Variants in NPAS3 observed in about 807,000 individuals in gnomAD.
NPAS3 encodes the protein neuronal PAS domain protein 3, also known as neuronal PAS domain-containing protein 3.
A neutral mutation model predicts 73.1 loss-of-function variants in NPAS3; 14 were observed. That is an observed-to-expected ratio of 0.19 (90% confidence interval 0.13 to 0.30). The LOEUF (loss-of-function observed/expected upper bound fraction) is 0.30. Ranked by LOEUF, NPAS3 falls within the 10% of genes least tolerant of loss-of-function variation. NPAS3 has a pLI of 1.00. For synonymous variants in NPAS3, 620 were observed against 541.5 expected (o/e 1.14, Z -2.01); for missense variants, 1,096 against 1,250.0 (o/e 0.88, Z 1.86).
intron 1 of NPAS3, among the ~76,000 whole-genome samples, chr14:32,961,494 C>A (rs983142305): frequency 3.3e-5 from 5 of 151,834 alleles, no homozygotes; most frequent in African/African-American, 4.8e-5. Context: ...TGTTTTCACA[C>A]TGAATCTCAG....
chr14:33,203,083 T>A (rs910935300), intron 2 of NPAS3, among the ~76,000 whole-genome samples: 2 of 152,266 alleles, frequency 1.3e-5, no homozygotes, highest in African/African-American at 4.8e-5. Flanking sequence ...CACAAAGACA[T>A]TGCAAGTTAA....
chr14:33,441,931 G>T (rs1215021467), intron 4 of NPAS3, among the ~76,000 whole-genome samples: 1 of 152,116 alleles, frequency 6.6e-6, no homozygotes, highest in African/African-American at 2.4e-5. Flanking sequence ...CCTCCCCCCA[G>T]GTTCCTCCCA....
intron 4 of NPAS3, among the ~76,000 whole-genome samples, chr14:33,380,846 A>C (rs557054611): frequency 1.3e-5 from 2 of 152,116 alleles, no homozygotes; most frequent in African/African-American, 4.8e-5. Context: ...CTAAAGATAT[A>C]AAAAATGCAG....
chr14:33,600,983 A>C (rs2057384264), intron 5 of NPAS3, among the ~76,000 whole-genome samples: 1 of 152,130 alleles, frequency 6.6e-6, no homozygotes, highest in African/African-American at 2.4e-5. Context: ...TTTTTTTTTC[A>C]AAAGGTTCTA....
At chr14:33,098,110 T>C (rs2042476084) in intron 2 of NPAS3, among the ~76,000 whole-genome samples, 1 of 152,214 alleles carries the variant, frequency 6.6e-6, no homozygotes, top group African/African-American at 2.4e-5. Context: ...TATTTTCTTT[T>C]AGAACCCTTT....
chr14:33,680,869 T>TTGTC (rs2059916284), intron 6 of NPAS3: 2 of 507,802 alleles, frequency 3.9e-6, no homozygotes, highest in African/African-American at 3.9e-5. Context: ...GTTATCATGT[T>TTGTC]TTGTCTAAAT....
At chr14:33,768,789 C>A (rs909839330) in intron 7 of NPAS3, among the ~76,000 whole-genome samples, 1 of 152,296 alleles carries the variant, frequency 6.6e-6, no homozygotes, top group East Asian at 1.9e-4. Flanking sequence ...CGCCCCCCAC[C>A]AATATTCCTT....
intron 4 of NPAS3, among the ~76,000 whole-genome samples, chr14:33,472,980 C>A (rs1262955407): frequency 6.9e-6 from 1 of 144,300 alleles, no homozygotes; most frequent in East Asian, 1.9e-4. Context: ...AGTAGTGGAT[C>A]TAAACGGAAA....
At chr14:33,466,258 G>A (rs1420917440) in intron 4 of NPAS3, among the ~76,000 whole-genome samples, 2 of 152,038 alleles carry the variant, frequency 1.3e-5, no homozygotes, top group African/African-American at 4.8e-5. Flanking sequence ...GCAAAACCAG[G>A]GTCATTCTGC....
intron 3 of NPAS3, among the ~76,000 whole-genome samples, chr14:33,334,482 G>A (rs2044124996): frequency 6.6e-6 from 1 of 152,110 alleles, no homozygotes; most frequent in Non-Finnish European, 1.5e-5. Context: ...CTTATAAGAT[G>A]TAGTCTTCTG....
At chr14:32,980,493 C>T (rs1002293495) in intron 1 of NPAS3, among the ~76,000 whole-genome samples, 1 of 151,976 alleles carries the variant, frequency 6.6e-6, no homozygotes, top group Admixed American at 6.6e-5. Flanking sequence ...TCATATTAAT[C>T]AAAATAACAA....
At chr14:33,117,225 T>C (rs1205063280) in intron 2 of NPAS3, among the ~76,000 whole-genome samples, 1 of 152,060 alleles carries the variant, frequency 6.6e-6, no homozygotes, top group Admixed American at 6.6e-5. Flanking sequence ...AAGCCTCTCT[T>C]TAGCATTATT....
chr14:33,134,653 G>A (rs2043768357), intron 2 of NPAS3, among the ~76,000 whole-genome samples: 1 of 152,116 alleles, frequency 6.6e-6, no homozygotes, highest in African/African-American at 2.4e-5. Flanking sequence ...TCATGTAAGA[G>A]TAGTCACCTC....
intron 1 of NPAS3, among the ~76,000 whole-genome samples, chr14:33,020,624 T>C (rs948854344): frequency 4.6e-5 from 7 of 152,312 alleles, no homozygotes; most frequent in Middle Eastern, 3.4e-3. Flanking sequence ...AGAATCTCAT[T>C]GCTTGGACAG....
At chr14:32,951,616 A>G (rs2036486792) in intron 1 of NPAS3, among the ~76,000 whole-genome samples, 1 of 152,168 alleles carries the variant, frequency 6.6e-6, no homozygotes, top group Non-Finnish European at 1.5e-5. Context: ...CTTAAATTCA[A>G]TTGAGACAGT....
At chr14:33,372,199 C>G (rs1247189477) in intron 4 of NPAS3, among the ~76,000 whole-genome samples, 2 of 152,104 alleles carry the variant, frequency 1.3e-5, no homozygotes, top group Non-Finnish European at 2.9e-5. Context: ...ACCAAAGCTT[C>G]CCTGCTACCT....
intron 1 of NPAS3, among the ~76,000 whole-genome samples, chr14:32,975,860 CGTGTGTGTGTGT>C (rs71118522): frequency 3.4e-5 from 5 of 145,744 alleles, no homozygotes; most frequent in East Asian, 2.1e-4. Context: ...TGGTGAGGGG[CGTGTGTGTGTGT>C]GTGTGTGTGT....
intron 4 of NPAS3, among the ~76,000 whole-genome samples, chr14:33,423,265 C>A (rs527267842): frequency 6.6e-6 from 1 of 152,088 alleles, no homozygotes; most frequent in East Asian, 1.9e-4. Context: ...AATTGATTCT[C>A]CCTGCTGACA....
chr14:33,410,594 C>A (rs1246511219), intron 4 of NPAS3, among the ~76,000 whole-genome samples: 1 of 152,174 alleles, frequency 6.6e-6, no homozygotes, highest in Non-Finnish European at 1.5e-5. Context: ...CTCCTTCTGT[C>A]AGATCATCAC....
Sources: allele counts gnomAD v4.1 joint callset (sites outside exome capture counted in the v4.1 genomes callset), GRCh38; gene constraint gnomAD v4.1.1; transcripts MANE v1.5; gene names NCBI Gene and HGNC (gene_info 2026-07-23, HGNC 2026-07-21).